The following MGAT4C variants were observed in gnomAD, a reference collection of about 807,000 sequenced individuals.
MGAT4C encodes MGAT4 family member C.
MGAT4C carries 19 observed loss-of-function variants against 40.1 expected under a neutral mutation model. The observed-to-expected ratio is 0.47, with a 90% CI of 0.33 to 0.70. The LOEUF is 0.70. MGAT4C is among the 30% of genes least tolerant of loss of function. The pLI is 0.02. For missense variants in MGAT4C, 491 were observed against 563.2 expected, an observed-to-expected ratio of 0.87 and a Z score of 1.30; for synonymous variants, 181 against 187.1, an observed-to-expected ratio of 0.97 and a Z score of 0.27.
chr12:86,552,200 A>G (rs757855400), intron 2 of MGAT4C, among the ~76,000 whole-genome samples: 9 of 152,120 alleles, frequency 5.9e-5, no homozygotes, highest in Non-Finnish European at 1.2e-4. Flanking sequence ...CAACAAAATT[A>G]TGAAAATAAT....
Position 85,979,697 on chromosome 12 carries a change from T to G in MGAT4C, c.1029A>C (p.Ala343=). 1 of 1,613,438 alleles carries G rather than the reference T, an allele frequency of 6.2e-7. No homozygotes were observed. The highest frequency in any genetic ancestry group is 8.5e-7 in the Non-Finnish European group (1 of 1,179,794). ...ESFDIPDNPP[A]SLYTNMNVFE... Reference sequence around the variant, plus strand: ...ACACATTCATGTTGGTGTACAGACTTGCAGGGGGGTTATCAGGAATGTCAA... The same window carrying G: ...ACACATTCATGTTGGTGTACAGACTGGCAGGGGGGTTATCAGGAATGTCAA... The change falls in exon 5 of 5, where the codon GCA becomes GCC. Residue 343 remains alanine, a synonymous_variant. Coordinates refer to ENST00000611864, the MANE Select transcript of MGAT4C (RefSeq NM_001351288.2).
chr12:85,983,916 A>G (rs569259578), intron 3 of MGAT4C, among the ~76,000 whole-genome samples: 1 of 152,214 alleles, frequency 6.6e-6, no homozygotes, highest in East Asian at 1.9e-4. Flanking sequence ...TTGTTTTTCT[A>G]TAGGACACAT....
upstream of MGAT4C, among the ~76,000 whole-genome samples, chr12:86,257,721 C>A (rs1952563489): frequency 6.6e-6 from 1 of 152,120 alleles, no homozygotes; most frequent in Non-Finnish European, 1.5e-5. Context: ...TTCATATGTT[C>A]ACATTTCCTC....
At chr12:86,516,169 AAGAT>A (rs1416156377) in intron 2 of MGAT4C, among the ~76,000 whole-genome samples, 1 of 151,176 alleles carries the variant, frequency 6.6e-6, no homozygotes, top group Non-Finnish European at 1.5e-5. Context: ...TTGAAAATAA[AAGAT>A]AGAAAAATTC....
At chr12:86,354,224 T>A (rs1052190798) in intron 3 of MGAT4C, among the ~76,000 whole-genome samples, 1 of 152,130 alleles carries the variant, frequency 6.6e-6, no homozygotes, top group Non-Finnish European at 1.5e-5. Flanking sequence ...CCTCATCTAT[T>A]TGCCTGCTAA....
At chr12:86,835,707 A>G (rs1005128922) in intron 1 of MGAT4C, among the ~76,000 whole-genome samples, 1 of 151,964 alleles carries the variant, frequency 6.6e-6, no homozygotes, top group Non-Finnish European at 1.5e-5. Flanking sequence ...GATTTCCCAA[A>G]CTAGTCACTT....
chr12:86,240,991 T>C (rs1049412049), intron 1 of MGAT4C, among the ~76,000 whole-genome samples: 1 of 152,036 alleles, frequency 6.6e-6, no homozygotes, highest in Admixed American at 6.6e-5. Flanking sequence ...AAGAATACAA[T>C]CTCCCCACTC....
intron 3 of MGAT4C, among the ~76,000 whole-genome samples, chr12:86,376,754 G>A (rs535501392): frequency 5.3e-5 from 8 of 149,616 alleles, no homozygotes; most frequent in South Asian, 2.1e-4. Flanking sequence ...CCCCATGTAC[G>A]TACCTACATC....
intron 1 of MGAT4C, among the ~76,000 whole-genome samples, chr12:86,821,416 A>G (rs1374354188): frequency 2.7e-5 from 4 of 150,934 alleles, no homozygotes; most frequent in Non-Finnish European, 6.0e-5. Flanking sequence ...CAATATTTTG[A>G]TATTATACAA....
chr12:86,795,890 A>G (rs911428789), intron 1 of MGAT4C, among the ~76,000 whole-genome samples: 9 of 151,934 alleles, frequency 5.9e-5, no homozygotes, highest in Non-Finnish European at 2.9e-5. Context: ...AATGCCTGTA[A>G]AGTGTGTCAG....
intron 4 of MGAT4C, among the ~76,000 whole-genome samples, chr12:86,321,551 T>C (rs938122112): frequency 2.0e-5 from 3 of 152,198 alleles, no homozygotes; most frequent in Non-Finnish European, 2.9e-5. Flanking sequence ...AAAACAATAC[T>C]AGCTGAATGC....
intron 1 of MGAT4C, among the ~76,000 whole-genome samples, chr12:86,793,233 T>C (rs1271725777): frequency 1.3e-5 from 2 of 152,142 alleles, no homozygotes; most frequent in Non-Finnish European, 2.9e-5. Flanking sequence ...CTTCGTGCTA[T>C]TAAAGATGCA....
At chr12:86,087,564 T>G (rs1872100887) in intron 1 of MGAT4C, among the ~76,000 whole-genome samples, 1 of 152,106 alleles carries the variant, frequency 6.6e-6, no homozygotes, top group South Asian at 2.1e-4. Flanking sequence ...TGATTTTGTA[T>G]CCTGAAACTT....
rs1882831690 is a variant in MGAT4C, at chr12:85,957,063, C to T, written c.*22226G>A. ...GTATGTAGATGCGAGCCCTTTGCTG[C>T]TGGCAAAGCTTTAAAAATATGTTAT... is the stretch of plus-strand genomic sequence containing the variant. On this transcript the variant is annotated 3_prime_UTR_variant, in exon 5 of 5. Transcript: ENST00000611864. 1 of 152,154 alleles carries T rather than the reference C, an allele frequency of 6.6e-6. No homozygotes were observed. Among genetic ancestry groups the T allele is most frequent in the Non-Finnish European group, 1.5e-5 (1 of 68,030 alleles). The allele number at this position is 152,154 out of a possible 1,614,324, so 9.4% of individuals were successfully genotyped here.
At chr12:86,358,899 T>C (rs528888989) in intron 3 of MGAT4C, among the ~76,000 whole-genome samples, 2 of 152,242 alleles carry the variant, frequency 1.3e-5, no homozygotes, top group East Asian at 3.9e-4. Context: ...CACCCCACTG[T>C]CAACATTAGA....
At chr12:86,139,538 T>C (rs913589095) in intron 1 of MGAT4C, among the ~76,000 whole-genome samples, 2 of 152,230 alleles carry the variant, frequency 1.3e-5, no homozygotes, top group Non-Finnish European at 2.9e-5. Flanking sequence ...TATTTCATTA[T>C]ATAAGTAAAA....
intron 2 of MGAT4C, among the ~76,000 whole-genome samples, chr12:86,447,266 C>T (rs1957356090): frequency 6.6e-6 from 1 of 152,150 alleles, no homozygotes; most frequent in South Asian, 2.1e-4. Flanking sequence ...GCTGGGATTA[C>T]AGGCATGTGC....
chr12:86,253,684 A>G (rs1216327278), intron 1 of MGAT4C, among the ~76,000 whole-genome samples: 2 of 152,014 alleles, frequency 1.3e-5, no homozygotes, highest in East Asian at 1.9e-4. Flanking sequence ...ATGACATCAT[A>G]GTTACTATAT....
At chr12:86,209,138 T>G (rs953628543) in intron 1 of MGAT4C, among the ~76,000 whole-genome samples, 1 of 152,092 alleles carries the variant, frequency 6.6e-6, no homozygotes, top group Middle Eastern at 3.3e-3. Context: ...TGGATGATAT[T>G]CTTTGCATAT....
Sources: allele counts gnomAD v4.1 joint callset (sites outside exome capture counted in the v4.1 genomes callset), GRCh38; gene constraint gnomAD v4.1.1; transcripts MANE v1.5; gene names NCBI Gene and HGNC (gene_info 2026-07-23, HGNC 2026-07-21).